DCC: variants seen among roughly 807,000 people sequenced by gnomAD.
The protein encoded by DCC is DCC netrin 1 receptor, also known as netrin receptor DCC.
A neutral mutation model predicts 172.5 loss-of-function variants in DCC; 58 were observed. That is an observed-to-expected ratio of 0.34 (90% CI 0.27 to 0.42). The LOEUF (loss-of-function observed/expected upper bound fraction) is 0.42, where lower values mean the gene tolerates loss of function less well. Among genes scored for constraint, DCC ranks in the 10% least tolerant of loss-of-function variants. The pLI is 1.00. For missense variants in DCC, 1,740 were observed against 1,791.0 expected, an observed-to-expected ratio of 0.97 and a Z score of 0.51; for synonymous variants, 709 against 644.5, an observed-to-expected ratio of 1.10 and a Z score of -1.52.
chr18:53,358,354 A>G (rs1027432852), intron 15 of DCC, among the ~76,000 whole-genome samples: 2 of 152,000 alleles, frequency 1.3e-5, no homozygotes, highest in African/African-American at 4.8e-5. Context: ...TATGGCAGGC[A>G]GTTGTTTACT....
chr18:52,954,972 CA>C (rs1207011167), intron 5 of DCC, among the ~76,000 whole-genome samples: 2 of 152,128 alleles, frequency 1.3e-5, no homozygotes, highest in Non-Finnish European at 2.9e-5. Context: ...TCCCTATTTT[CA>C]TACATGCACA....
intron 5 of DCC, among the ~76,000 whole-genome samples, chr18:53,013,561 G>A (rs1200514761): frequency 6.6e-6 from 1 of 151,914 alleles, no homozygotes; most frequent in Non-Finnish European, 1.5e-5. Flanking sequence ...AGTGAGGGGA[G>A]TGAGAGCCTT....
At chr18:52,802,945 T>C (rs1234825161) in intron 2 of DCC, among the ~76,000 whole-genome samples, 2 of 152,018 alleles carry the variant, frequency 1.3e-5, no homozygotes, top group African/African-American at 4.8e-5. Flanking sequence ...GTAAAGAAAA[T>C]GTTATAAAGA....
intron 1 of DCC, among the ~76,000 whole-genome samples, chr18:52,373,173 C>G (rs953801519): frequency 6.6e-6 from 1 of 152,104 alleles, no homozygotes; most frequent in African/African-American, 2.4e-5. Context: ...TCAACCCCAC[C>G]CACAAGGCAG....
chr18:52,590,006 A>C (rs1429807173), intron 1 of DCC, among the ~76,000 whole-genome samples: 1 of 152,116 alleles, frequency 6.6e-6, no homozygotes, highest in Non-Finnish European at 1.5e-5. Context: ...CTTTTTTTTA[A>C]AAAAAGATAT....
At chr18:52,541,145 G>A (rs1437738576) in intron 1 of DCC, among the ~76,000 whole-genome samples, 1 of 152,150 alleles carries the variant, frequency 6.6e-6, no homozygotes, top group Non-Finnish European at 1.5e-5. Context: ...GACATACCCA[G>A]ATAACATCGT....
intron 5 of DCC, among the ~76,000 whole-genome samples, chr18:52,949,480 G>A (rs1467949587): frequency 2.6e-5 from 4 of 152,142 alleles, no homozygotes; most frequent in Non-Finnish European, 4.4e-5. Flanking sequence ...TCATTAATAT[G>A]TTTTCCATTA....
intron 5 of DCC, among the ~76,000 whole-genome samples, chr18:53,041,196 TGTAAG>T (rs941939924): frequency 6.6e-6 from 1 of 152,130 alleles, no homozygotes; most frequent in African/African-American, 2.4e-5. Flanking sequence ...TTGTATAAGA[TGTAAG>T]GAAGGGGTCC....
chr18:53,011,460 A>G (rs1476173753), intron 5 of DCC, among the ~76,000 whole-genome samples: 1 of 151,728 alleles, frequency 6.6e-6, no homozygotes, highest in Non-Finnish European at 1.5e-5. Context: ...TTTTGCAAAG[A>G]GGGTTACAAC....
rs2056325964 is a variant in DCC at position 53,243,273 on chromosome 18, AAAG to A, written c.1911+27685_1911+27687del. Among the ~76,000 whole-genome samples, 7 of 152,228 alleles carry A rather than the reference AAAG, an allele frequency of 4.6e-5. No individual in the cohort carries two copies. In the South Asian group the frequency reaches 1.2e-3, roughly 27 times the overall value. On this transcript the variant is annotated intron_variant, in intron 12 of 28. Transcript: ENST00000442544. ...GGAAGAAAGTAAACACCTCTTTCTTAAAGAAGAAGAATCATGTAGCACAGCTGG... is the reference window on the plus strand; with the variant it reads ...GGAAGAAAGTAAACACCTCTTTCTTAAAGAAGAATCATGTAGCACAGCTGG...
At chr18:53,491,728 G>C (rs896299309) in intron 26 of DCC, among the ~76,000 whole-genome samples, 2 of 152,156 alleles carry the variant, frequency 1.3e-5, no homozygotes, top group Non-Finnish European at 2.9e-5. Context: ...GTCCATCGTT[G>C]ATGGGCATTT....
intron 3 of DCC, among the ~76,000 whole-genome samples, chr18:52,907,295 T>TGATATGTC (rs71175535): frequency 0.63 from 62,800 of 100,116 alleles, 19,255 homozygotes; most frequent in Non-Finnish European, 0.72. Context: ...GATATATACA[T>TGATATGTC]ATGGATATAT....
At chr18:53,465,405 G>T (rs1323532510) in intron 24 of DCC, among the ~76,000 whole-genome samples, 3 of 152,008 alleles carry the variant, frequency 2.0e-5, no homozygotes, top group African/African-American at 7.2e-5. Flanking sequence ...AAAATGTGTT[G>T]GATACTTCTG....
At chr18:53,498,695 A>T (rs1482304534) in intron 26 of DCC, among the ~76,000 whole-genome samples, 1 of 152,210 alleles carries the variant, frequency 6.6e-6, no homozygotes. Context: ...CAAAGAGGAA[A>T]AATTGCAATT....
At chr18:52,844,526 A>G (rs1041581830) in intron 2 of DCC, among the ~76,000 whole-genome samples, 2 of 152,184 alleles carry the variant, frequency 1.3e-5, no homozygotes, top group Admixed American at 6.5e-5. Flanking sequence ...GGAGTTTGCA[A>G]CCATTTCCTC....
intron 5 of DCC, among the ~76,000 whole-genome samples, chr18:52,939,032 C>T (rs2040422886): frequency 1.3e-5 from 2 of 152,174 alleles, no homozygotes; most frequent in Admixed American, 1.3e-4. Flanking sequence ...AAGGGACTTC[C>T]ACTTTTTTCT....
At chr18:53,305,892 A>G (rs926718839) in intron 13 of DCC, among the ~76,000 whole-genome samples, 173 bp downstream of exon 13, 1 of 152,210 alleles carries the variant, frequency 6.6e-6, no homozygotes, top group Non-Finnish European at 1.5e-5. Context: ...ATTCTCTATA[A>G]TGTTTTCACT....
At chr18:52,902,154 T>C (rs765926761) in intron 2 of DCC, among the ~76,000 whole-genome samples, 2 of 152,186 alleles carry the variant, frequency 1.3e-5, no homozygotes, top group Non-Finnish European at 2.9e-5. Context: ...GAGAATTGTT[T>C]TGCAGAAGTT....
At chr18:53,452,395 T>A (rs977167636) in intron 23 of DCC, among the ~76,000 whole-genome samples, 3 of 151,984 alleles carry the variant, frequency 2.0e-5, no homozygotes, top group African/African-American at 7.2e-5. Context: ...CCCCGCCCCG[T>A]GTCATTTCTG....
Sources: gnomAD v4.1 joint callset for allele counts (sites outside exome capture counted in the v4.1 genomes callset) on GRCh38, gnomAD v4.1.1 for gene constraint, MANE v1.5 for transcripts, NCBI Gene and HGNC (gene_info 2026-07-23, HGNC 2026-07-21) for gene names.